EVC: variants seen among roughly 807,000 people sequenced by gnomAD.
The protein encoded by EVC is EvC ciliary complex subunit 1, also known as evC complex member EVC.
Under a neutral mutation model 118.9 loss-of-function variants are expected in EVC, and 116 were observed. The observed-to-expected ratio is 0.98, with a 90% confidence interval of 0.84 to 1.14. EVC has a LOEUF of 1.14. Among genes scored for constraint, EVC ranks in the 50% most tolerant of loss-of-function variants. EVC has a pLI of 0.00. For missense variants in EVC, 1,401 were observed against 1,246.4 expected (o/e 1.12, Z -1.87); for synonymous variants, 619 against 534.7 (o/e 1.16, Z -2.18).
At chr4:5,825,463 G>A in the EVC span, 3 of 1,540,468 alleles carry the variant, frequency 1.9e-6, no homozygotes, top group African/African-American at 2.8e-5. The surrounding 1 kb of genome is among the most constrained non-coding windows in gnomAD (Gnocchi z 4.4). Flanking sequence ...TGCTGCAATT[G>A]TGGGGAGCCT....
At position 5,811,477 on chromosome 4, in the gene EVC, G is replaced by A; in HGVS notation, c.*440G>A. The stretch of plus-strand genomic sequence containing the variant: ...TATTCTCTGAGGACACTTAGAATAT[G>A]AGGAAGAGGGTGTGGCCCAACCCTC... On this transcript the variant is annotated 3_prime_UTR_variant, in exon 21 of 21. Transcript: ENST00000264956. The A allele has an allele frequency of 8.7e-6, 2 of 229,506 alleles. No individual in the cohort carries two copies. Among genetic ancestry groups the A allele is most frequent in the Non-Finnish European group, 1.7e-5 (2 of 115,712 alleles). 14.2% of individuals were successfully genotyped at this position (229,506 alleles called of 1,614,324 possible).
At chr4:5,768,358 G>A (rs114027988) in intron 11 of EVC, among the ~76,000 whole-genome samples, 3,363 of 152,232 alleles carry the variant, frequency 0.022, 44 homozygotes, top group Middle Eastern at 0.068. Flanking sequence ...GCCCTGGTAG[G>A]AGACTGCTGT....
chr4:5,794,106 A>G (rs1312946469), intron 13 of EVC, among the ~76,000 whole-genome samples: 2 of 150,322 alleles, frequency 1.3e-5, no homozygotes, highest in Non-Finnish European at 3.0e-5. Context: ...AATTGCAGCC[A>G]CTCCCCAATT....
chr4:5,751,186 T>A (rs909994740), intron 8 of EVC, among the ~76,000 whole-genome samples: 4 of 152,292 alleles, frequency 2.6e-5, no homozygotes, highest in Non-Finnish European at 5.9e-5. Context: ...AATCCTCATG[T>A]CAAATCTGTG....
chr4:5,766,631 C>T (rs1434514551), intron 11 of EVC, among the ~76,000 whole-genome samples: 3,412 of 137,514 alleles, frequency 0.025, 60 homozygotes, highest in Middle Eastern at 0.062. Context: ...CTAAACTTCC[C>T]TTCTCGCTTC....
Position 5,748,077 on chromosome 4 carries a change from G to A in EVC, c.940-71G>A, listed in dbSNP as rs4689311. 612,185 of 1,501,452 alleles carry A rather than the reference G, an allele frequency of 0.41. 125,990 individuals carry two copies. Among genetic ancestry groups the A allele is most frequent in the East Asian group, 0.64 (28,326 of 44,316 alleles). 93.0% of individuals were successfully genotyped at this position (1,501,452 alleles called of 1,614,324 possible). ...TGATAGGGAGTGAATTGTAATTCCC[G>A]AGCACGCACCGTTTGGCTTTCTTAA... On this transcript the variant is annotated intron_variant, in intron 7 of 20. Transcript: ENST00000264956.
intron 19 of EVC, 51 bp downstream of exon 19, chr4:5,809,662 T>C: frequency 6.6e-7 from 1 of 1,518,460 alleles, no homozygotes; most frequent in Admixed American, 1.7e-5. Flanking sequence ...GGCTGAGAGA[T>C]ACGGATTCTA....
intron 5 of EVC, among the ~76,000 whole-genome samples, chr4:5,735,063 C>A (rs1213510119): frequency 6.6e-6 from 1 of 152,242 alleles, no homozygotes; most frequent in Non-Finnish European, 1.5e-5. Context: ...GCATCACTCA[C>A]CATCCAGCAC....
intron 9 of EVC, 139 bp from the exon 10 acceptor site, chr4:5,753,646 G>A: frequency 2.7e-6 from 3 of 1,091,484 alleles, no homozygotes; most frequent in Non-Finnish European, 4.2e-6. Context: ...AAACCCAGGT[G>A]TGTCACCAGC....
At chr4:5,729,284 C>A in intron 2 of EVC, 23 bp from the exon 3 acceptor site, 1 of 1,611,550 alleles carries the variant, frequency 6.2e-7, no homozygotes, top group Non-Finnish European at 8.5e-7. Flanking sequence ...GTTTCCCATG[C>A]CGTTTGTGTC....
In EVC at chr4:5,753,924, G is replaced by T; in HGVS notation, c.1455G>T (p.Lys485Asn). The T allele has an allele frequency of 1.2e-6, 2 of 1,613,098 alleles. No individual in the cohort carries two copies. The highest frequency in any genetic ancestry group is 1.3e-5 in the African/African-American group (1 of 75,018). Residue 485 changes from lysine to asparagine, a missense_variant, in exon 10 of 21, where the codon AAG becomes AAT. Coordinates refer to ENST00000264956, the MANE Select transcript of EVC (RefSeq NM_153717.3). ...CCCAGCCGACTGCTGACCCGGAAAA[G>T]TTTCTCGAGGTGACTCACATCCCCA... Reference protein sequence around the residue: ...AEAQPTADPEKFLEAFHEVLE... With the variant: ...AEAQPTADPENFLEAFHEVLE...
intron 1 of EVC, among the ~76,000 whole-genome samples, chr4:5,715,333 A>G (rs190663937): frequency 1.7e-4 from 26 of 152,338 alleles, no homozygotes; most frequent in African/African-American, 5.5e-4. Flanking sequence ...AGCAGCATCA[A>G]TATCTTGGGG....
At position 5,794,406 on chromosome 4, in the gene EVC, A is replaced by AT. The variant is rs763765119; in HGVS notation, c.1886+697dup. On this transcript the variant is annotated intron_variant, in intron 13 of 20. Transcript: ENST00000264956. Reference sequence around the variant, plus strand: ...ATATATATTTTTTATATATATATATATTTTTTTTCTTTTTTCTCGAGACAG... The same window carrying AT: ...ATATATATTTTTTATATATATATATATTTTTTTTTCTTTTTTCTCGAGACAG... 8.4e-5 allele frequency among the ~76,000 whole-genome samples: 9 copies of AT among 107,350 alleles called. No homozygotes were observed. The East Asian group carries it at 1.1e-3, about 13-fold the overall frequency. The allele number at this position is 107,350 out of a possible 152,430, so 70.4% of individuals were successfully genotyped here.
intron 12 of EVC, among the ~76,000 whole-genome samples, chr4:5,790,180 CA>C (rs35158259): frequency 5.9e-4 from 66 of 112,186 alleles, no homozygotes; most frequent in South Asian, 8.9e-4. Flanking sequence ...GACTCCATCT[CA>C]AAAAAAAAAA....
intron 16 of EVC, among the ~76,000 whole-genome samples, chr4:5,803,593 G>A (rs1715370025): frequency 6.6e-6 from 1 of 152,136 alleles, no homozygotes; most frequent in South Asian, 2.1e-4. Flanking sequence ...CCTGCTTCCT[G>A]ATACCCCAGC....
intron 4 of EVC, among the ~76,000 whole-genome samples, chr4:5,732,959 G>A (rs779066723): frequency 2.2e-4 from 33 of 152,312 alleles, no homozygotes; most frequent in African/African-American, 4.6e-4. Flanking sequence ...GCAGTAAGCC[G>A]TGATTGTACC....
intron 9 of EVC, 94 bp downstream of exon 9, chr4:5,753,146 G>T (rs1730649913): frequency 1.6e-6 from 2 of 1,218,570 alleles, no homozygotes; most frequent in Non-Finnish European, 2.3e-6. Flanking sequence ...GGGGCAGTGT[G>T]CCCATGATGC....
chr4:5,783,001 T>C (rs2152286021), intron 11 of EVC, among the ~76,000 whole-genome samples: 1 of 152,042 alleles, frequency 6.6e-6, no homozygotes. Context: ...GATGTGAAGG[T>C]TGGCGAGGAG....
At chr4:5,824,692 A>G in the EVC span, 13 of 968,898 alleles carry the variant, frequency 1.3e-5, no homozygotes, top group Admixed American at 7.5e-4. Flanking sequence ...GTTGCCTCTT[A>G]GCTTACAAAG....
Sources: gnomAD v4.1 joint callset for allele counts (sites outside exome capture counted in the v4.1 genomes callset) on GRCh38, gnomAD v4.1.1 for gene constraint, Gnocchi (gnomAD v3.1) non-coding constraint, MANE v1.5 for transcripts, NCBI Gene and HGNC (gene_info 2026-07-23, HGNC 2026-07-21) for gene names.